Variants in GRM8 observed in about 807,000 individuals in gnomAD.
The protein encoded by GRM8 is glutamate metabotropic receptor 8, also known as metabotropic glutamate receptor 8.
GRM8 carries 47 observed loss-of-function variants against 87.2 expected under a neutral mutation model. That is an observed-to-expected ratio of 0.54 (90% CI 0.43 to 0.69). GRM8 has a LOEUF of 0.69. Ranked by LOEUF, GRM8 falls within the 30% of genes least tolerant of loss-of-function variation. The probability of loss-of-function intolerance (pLI) is 0.00; values close to 1 mark genes in which losing one functional copy is unlikely to be tolerated. For missense variants in GRM8, 1,019 were observed against 1,139.2 expected (o/e 0.89, Z 1.52); for synonymous variants, 396 against 404.5 (o/e 0.98, Z 0.25).
At chr7:126,882,330 T>C (rs1190365953) in intron 6 of GRM8, among the ~76,000 whole-genome samples, 1 of 152,138 alleles carries the variant, frequency 6.6e-6, no homozygotes, top group Non-Finnish European at 1.5e-5. Flanking sequence ...CTGTCTCTAA[T>C]TCAACCTCCT....
chr7:127,182,255 C>T (rs994274982), intron 2 of GRM8, among the ~76,000 whole-genome samples: 15 of 152,070 alleles, frequency 9.9e-5, no homozygotes, highest in African/African-American at 3.1e-4. Context: ...TGCTCAACAT[C>T]ACTAATGATC....
intron 6 of GRM8, among the ~76,000 whole-genome samples, chr7:126,814,127 C>G (rs1359190979): frequency 1.3e-5 from 2 of 151,920 alleles, no homozygotes; most frequent in Non-Finnish European, 2.9e-5. Flanking sequence ...TTATGGACAC[C>G]ACCTACAGTA....
chr7:126,686,567 T>G (rs1808217329), intron 7 of GRM8, among the ~76,000 whole-genome samples: 1 of 152,210 alleles, frequency 6.6e-6, no homozygotes, highest in South Asian at 2.1e-4. Flanking sequence ...CTGGTCCAGC[T>G]GTAGCCTCAC....
At chr7:126,695,420 G>A (rs137990081) in intron 7 of GRM8, among the ~76,000 whole-genome samples, 33 of 152,200 alleles carry the variant, frequency 2.2e-4, no homozygotes, top group African/African-American at 6.7e-4. Flanking sequence ...GCTATGAAAC[G>A]GAAGTACTGA....
intron 6 of GRM8, among the ~76,000 whole-genome samples, chr7:126,896,258 C>T (rs1208266002): frequency 6.6e-6 from 1 of 151,530 alleles, no homozygotes; most frequent in African/African-American, 2.4e-5. Context: ...ATCTCAGAAA[C>T]AGCATAAATA....
At chr7:126,474,241 T>A (rs1805635260) in intron 9 of GRM8, among the ~76,000 whole-genome samples, 1 of 149,416 alleles carries the variant, frequency 6.7e-6, no homozygotes, top group Admixed American at 6.7e-5. Context: ...CATTCATATA[T>A]GTTTGTGCAT....
intron 3 of GRM8, among the ~76,000 whole-genome samples, chr7:126,982,297 A>T (rs182304013): frequency 6.6e-6 from 1 of 152,130 alleles, no homozygotes; most frequent in South Asian, 2.1e-4. Context: ...CAGCCCACTG[A>T]CTCAAATGTT....
intron 9 of GRM8, among the ~76,000 whole-genome samples, chr7:126,452,496 G>T (rs957491645): frequency 1.3e-5 from 2 of 151,212 alleles, no homozygotes; most frequent in Admixed American, 1.3e-4. Flanking sequence ...TTTTGAGTTG[G>T]TGTGAGTTCA....
chr7:127,076,099 C>G (rs1393134990), intron 3 of GRM8: 1 of 449,990 alleles, frequency 2.2e-6, no homozygotes. Flanking sequence ...GAAAGGTGGT[C>G]AGTAGAGAGC....
chr7:126,801,513 T>C (rs1334361837), intron 6 of GRM8, among the ~76,000 whole-genome samples: 1 of 150,604 alleles, frequency 6.6e-6, no homozygotes, highest in South Asian at 2.1e-4. Context: ...AATGATGATA[T>C]GCTTATGTTT....
chr7:126,487,157 G>A (rs941959691), intron 9 of GRM8, among the ~76,000 whole-genome samples: 1 of 151,100 alleles, frequency 6.6e-6, no homozygotes, highest in South Asian at 2.1e-4. Flanking sequence ...TTACATTTTT[G>A]CAAATATCTT....
At chr7:126,581,044 T>TA (rs1393383598) in intron 8 of GRM8, among the ~76,000 whole-genome samples, 1 of 151,972 alleles carries the variant, frequency 6.6e-6, no homozygotes, top group African/African-American at 2.4e-5. Flanking sequence ...AGTAGCTACT[T>TA]AAAAGCCTGC....
intron 7 of GRM8, among the ~76,000 whole-genome samples, chr7:126,651,500 G>A (rs754083204): frequency 2.0e-4 from 30 of 152,130 alleles, no homozygotes; most frequent in Non-Finnish European, 3.8e-4. Flanking sequence ...CGAAGTGGCA[G>A]CACTCACCAT....
chr7:126,757,481 G>C (rs1407285196), intron 7 of GRM8, among the ~76,000 whole-genome samples: 1 of 152,212 alleles, frequency 6.6e-6, no homozygotes. Context: ...AGCCGAACAA[G>C]ACCTGGGGAA....
chr7:126,855,911 A>T (rs1365340688), intron 6 of GRM8, among the ~76,000 whole-genome samples: 2 of 152,126 alleles, frequency 1.3e-5, no homozygotes, highest in African/African-American at 4.8e-5. Context: ...AGATGGCCCA[A>T]CCAGGCTGCC....
intron 3 of GRM8, among the ~76,000 whole-genome samples, chr7:126,921,805 C>CT (rs994916461): frequency 6.6e-6 from 1 of 151,920 alleles, no homozygotes; most frequent in Non-Finnish European, 1.5e-5. Context: ...CCATGCATAC[C>CT]TTTTTTTAGG....
intron 2 of GRM8, among the ~76,000 whole-genome samples, chr7:127,210,017 G>A (rs1796126962): frequency 1.3e-5 from 2 of 152,070 alleles, no homozygotes; most frequent in South Asian, 4.1e-4. Flanking sequence ...AAGTAGAAGT[G>A]GGAGAATTCC....
chr7:127,043,966 C>A (rs898458116), intron 3 of GRM8, among the ~76,000 whole-genome samples: 1 of 152,138 alleles, frequency 6.6e-6, no homozygotes, highest in African/African-American at 2.4e-5. Context: ...ATTTGTTTTA[C>A]CCTTTTCACA....
chr7:126,531,668 A>G (rs1814843990), intron 9 of GRM8, among the ~76,000 whole-genome samples: 1 of 152,242 alleles, frequency 6.6e-6, no homozygotes, highest in Admixed American at 6.5e-5. Context: ...TTTCCTTCAA[A>G]AAACCTATTT....
Sources: allele counts gnomAD v4.1 joint callset (sites outside exome capture counted in the v4.1 genomes callset), GRCh38; gene constraint gnomAD v4.1.1; transcripts MANE v1.5; gene names NCBI Gene and HGNC (gene_info 2026-07-23, HGNC 2026-07-21).